The following SRCAP variants were observed in gnomAD, a reference collection of about 807,000 sequenced individuals.
The protein encoded by SRCAP is Snf2 related CREBBP activator protein.
In SRCAP, 46 loss-of-function variants were observed where a neutral mutation model predicts 263.1. The ratio of observed to expected loss-of-function variants is 0.17; its 90% CI spans 0.14 to 0.22. The LOEUF (loss-of-function observed/expected upper bound fraction) is 0.22, where lower values mean the gene tolerates loss of function less well. Among genes scored for constraint, SRCAP ranks in the 10% least tolerant of loss-of-function variants. SRCAP has a pLI of 1.00. For missense variants in SRCAP, 3,695 were observed against 4,181.9 expected, an observed-to-expected ratio of 0.88 and a Z score of 3.21; for synonymous variants, 1,813 against 1,662.1, an observed-to-expected ratio of 1.09 and a Z score of -2.21.
In SRCAP at chr16:30,737,928, G is replaced by C. The variant is rs1400021077; in HGVS notation, c.7888G>C (p.Gly2630Arg). The change falls in exon 34 of 34, where the codon GGG becomes CGG. Residue 2630 changes from glycine (G) to arginine (R), a missense_variant. Gly to Arg is a moderately radical substitution (Grantham distance 125, BLOSUM62 -2). Transcript: ENST00000262518. ...QEQEAPDSAE[G>R]TTLTVLPEGE... Reference sequence around the variant, plus strand: ...GCAGGAGGCACCAGATTCTGCTGAGGGGACCACCCTTACAGTGCTGCCTGA... The same window carrying C: ...GCAGGAGGCACCAGATTCTGCTGAGCGGACCACCCTTACAGTGCTGCCTGA... The C allele has an allele frequency of 6.2e-7, 1 of 1,614,102 alleles. No homozygotes were observed. Among genetic ancestry groups the C allele is most frequent in the Non-Finnish European group, 8.5e-7 (1 of 1,180,050 alleles).
chr16:30,710,959 GCCTCTATC>G, intron 9 of SRCAP, 32 bp from the exon 10 acceptor site: 1 of 1,601,470 alleles, frequency 6.2e-7, no homozygotes, highest in Non-Finnish European at 8.6e-7. Context: ...TGTGCCTCTA[GCCTCTATC>G]CCTATTAATC....
chr16:30,723,371 C>A, intron 24 of SRCAP, 142 bp downstream of exon 24: 1 of 1,416,802 alleles, frequency 7.1e-7, no homozygotes. Flanking sequence ...AACTGGGCTG[C>A]CTGAGCCCTG....
rs369276534 is a variant in SRCAP at position 30,722,945 on chromosome 16, T to C, written c.3893-18T>C. The C allele has an allele frequency of 1.3e-6, 2 of 1,598,590 alleles. No individual in the cohort carries two copies. Among genetic ancestry groups the C allele is most frequent in the African/African-American group, 1.3e-5 (1 of 74,622 alleles). ...TGTTTCTTTTCTACCTTCCTCTCAG[T>C]GTAGCTTCCTCTTGCAGTGCCACCA... On this transcript the variant is annotated intron_variant, in intron 23 of 33. Coordinates refer to ENST00000262518, the MANE Select transcript of SRCAP (RefSeq NM_006662.3).
chr16:30,713,540 A>G lies in SRCAP; in HGVS notation c.2322A>G (p.Thr774=), dbSNP rs770012397. ...GCAGCCAGAGACGCCTGCTCCTGAC[A>G]GGAACTCCCTTGCAGAACAGCCTCA... ...NFNSQRRLLL[T]GTPLQNSLME... Residue 774 remains threonine, a synonymous_variant, in exon 16 of 34, where the codon ACA becomes ACG. Coordinates refer to ENST00000262518, the MANE Select transcript of SRCAP (RefSeq NM_006662.3). 87 of 1,614,054 alleles carry G rather than the reference A, an allele frequency of 5.4e-5. No homozygotes were observed. The highest frequency in any genetic ancestry group is 4.9e-4 in the Middle Eastern group (3 of 6,084).
Position 30,736,966 on chromosome 16 carries a change from G to A in SRCAP, c.7009-83G>A, listed in dbSNP as rs984453049. ...TGGAATTACAGGCGTGAGCCACCGC[G>A]CCTGACCTGGAAGCTGCTAATTTCT... On this transcript the variant is annotated intron_variant, in intron 33 of 33. Transcript: ENST00000262518. The A allele has an allele frequency of 9.6e-6, 14 of 1,451,648 alleles. No individual in the cohort carries two copies. The African/African-American group carries it at 1.3e-4, about 13-fold the overall frequency. The allele number at this position is 1,451,648 out of a possible 1,614,324, so 89.9% of individuals were successfully genotyped here.
In SRCAP at chr16:30,720,154, T is replaced by C; in HGVS notation, c.2818-8T>C. ...TTCTTTATGACTGTGCTTTCTTTCT[T>C]GTGGCAGCGGATAGACATGGGTCGA... On this transcript the variant is annotated splice_polypyrimidine_tract_variant and splice_region_variant and intron_variant, in intron 18 of 33. Transcript: ENST00000262518. 6.3e-7 allele frequency: 1 copy of C among 1,599,310 alleles called. No individual in the cohort carries two copies. Among genetic ancestry groups the C allele is most frequent in the Non-Finnish European group, 8.6e-7 (1 of 1,167,780 alleles).
At position 30,713,693 on chromosome 16, in the gene SRCAP, A is replaced by C; in HGVS notation, c.2475A>C (p.Leu825=). 6.2e-7 allele frequency: 1 copy of C among 1,614,092 alleles called. No individual in the cohort carries two copies. Among genetic ancestry groups the C allele is most frequent in the Non-Finnish European group, 8.5e-7 (1 of 1,180,028 alleles). ...IEGSQEYNEG[L]VKRLHKVLRP... ...GCAGCCAAGAGTATAATGAAGGTCT[A>C]GTCAAACGCCTCCACAAGGTAGGGC... The change falls in exon 16 of 34, where the codon CTA becomes CTC. Residue 825 remains leucine, a synonymous_variant. Coordinates refer to ENST00000262518, the MANE Select transcript of SRCAP (RefSeq NM_006662.3).
chr16:30,700,409 G>A (rs532301327), intron 2 of SRCAP, among the ~76,000 whole-genome samples: 78 of 152,344 alleles, frequency 5.1e-4, no homozygotes, highest in Non-Finnish European at 1.1e-3. Flanking sequence ...GCTGTGAAAA[G>A]CACTTGGTTT....
Position 30,712,139 on chromosome 16 carries a change from C to T in SRCAP, c.1797C>T (p.Tyr599=). 6.2e-7 allele frequency: 1 copy of T among 1,613,474 alleles called. No individual in the cohort carries two copies. The highest frequency in any genetic ancestry group is 1.1e-5 in the South Asian group (1 of 91,084). Residue 599 remains tyrosine (Y), a synonymous_variant, in exon 12 of 34, where the codon TAC becomes TAT. Coordinates refer to ENST00000262518, the MANE Select transcript of SRCAP (RefSeq NM_006662.3). ...AAAESLQPKG[Y]TLATTQVKTP... is the part of the protein sequence containing the mutation. Reference sequence around the variant, plus strand: ...CTGAAAGTCTCCAGCCCAAGGGTTACACGCTGGCCACGACCCAGGTATCCC... The same window carrying T: ...CTGAAAGTCTCCAGCCCAAGGGTTATACGCTGGCCACGACCCAGGTATCCC...
In SRCAP at chr16:30,724,785, A is replaced by G. The variant is rs139549828; in HGVS notation, c.5361A>G (p.Thr1787=). The change falls in exon 25 of 34, where the codon ACA becomes ACG. Residue 1787 remains threonine, a synonymous_variant. Coordinates refer to ENST00000262518, the MANE Select transcript of SRCAP (RefSeq NM_006662.3). ...ASLLAPASVQ[T]LTLSPAPVPT... The stretch of plus-strand genomic sequence containing the variant: ...TCCTGGCCCCAGCTTCAGTGCAGAC[A>G]CTGACCTTGAGCCCTGCCCCAGTTC... The G allele has an allele frequency of 6.2e-7, 1 of 1,613,494 alleles. No individual in the cohort carries two copies. The highest frequency in any genetic ancestry group is 2.2e-5 in the East Asian group (1 of 44,866).
Position 30,739,466 on chromosome 16 carries a change from G to A in SRCAP, c.9426G>A (p.Gly3142=). The A allele has an allele frequency of 6.2e-7, 1 of 1,614,132 alleles. No homozygotes were observed. Among genetic ancestry groups the A allele is most frequent in the Non-Finnish European group, 8.5e-7 (1 of 1,180,026 alleles). The change falls in exon 34 of 34, where the codon GGG becomes GGA. Residue 3142 remains glycine, a synonymous_variant. Coordinates refer to ENST00000262518, the MANE Select transcript of SRCAP (RefSeq NM_006662.3). ...AGAAGTTGCCTCGCAAACGAGCAGG[G>A]GCCCCAGTTGGTGGGAGTCCTGGGC... ...ETEKLPRKRA[G]APVGGSPGLA... is the part of the protein sequence containing the mutation.
At chr16:30,713,077 C>G (rs2052910021) in intron 14 of SRCAP, 131 bp from the exon 15 acceptor site, 1 of 1,106,638 alleles carries the variant, frequency 9.0e-7, no homozygotes, top group Non-Finnish European at 1.3e-6. Flanking sequence ...CTTTCTGTCG[C>G]TCCATTCTTT....
chr16:30,717,199 T>C (rs2052959317), intron 18 of SRCAP, among the ~76,000 whole-genome samples: 2 of 152,178 alleles, frequency 1.3e-5, no homozygotes, highest in South Asian at 4.1e-4. Context: ...CTTATTTCCT[T>C]AGTGATGAGT....
At chr16:30,716,730 T>TA (rs1336799638) in intron 18 of SRCAP, among the ~76,000 whole-genome samples, 1 of 152,218 alleles carries the variant, frequency 6.6e-6, no homozygotes, top group African/African-American at 2.4e-5. Flanking sequence ...TGATTCAGCT[T>TA]ACAATTTTTT....
At chr16:30,708,812 C>A (rs1409703613) in intron 6 of SRCAP, among the ~76,000 whole-genome samples, 1 of 152,150 alleles carries the variant, frequency 6.6e-6, no homozygotes, top group Non-Finnish European at 1.5e-5. Flanking sequence ...CTATGCCTGG[C>A]TTCACCTACC....
intron 7 of SRCAP, 34 bp downstream of exon 7, chr16:30,709,769 C>T (rs781730342): frequency 1.1e-5 from 18 of 1,613,986 alleles, no homozygotes; most frequent in Non-Finnish European, 1.4e-5. Context: ...TACTCTTCCT[C>T]ATGTACCCTT....
In SRCAP at chr16:30,738,992, T is replaced by C; in HGVS notation, c.8952T>C (p.Cys2984=). 1 of 1,614,022 alleles carries C rather than the reference T, an allele frequency of 6.2e-7. No homozygotes were observed. Among genetic ancestry groups the C allele is most frequent in the East Asian group, 2.2e-5 (1 of 44,878 alleles). Residue 2984 remains cysteine, a synonymous_variant, in exon 34 of 34, where the codon TGT becomes TGC. Transcript: ENST00000262518. Reference sequence around the variant, plus strand: ...CCCCACTCCCACCACTGCTAGTTTGTCCCACTGCTACTGTTGCCAACACTG... The same window carrying C: ...CCCCACTCCCACCACTGCTAGTTTGCCCCACTGCTACTGTTGCCAACACTG... ...PLTPLPPLLV[C]PTATVANTVT...
At position 30,723,846 on chromosome 16, in the gene SRCAP, C is replaced by T; in HGVS notation, c.4422C>T (p.Thr1474=). The stretch of plus-strand genomic sequence containing the variant: ...CTGCTTCGGGCCCAGCTCTGTTGAC[C>T]AGTGTGACTCCACCATTGGCACCTG... ...TVSASGPALL[T]SVTPPLAPVV... Residue 1474 remains threonine, a synonymous_variant, in exon 25 of 34, where the codon ACC becomes ACT. Coordinates refer to ENST00000262518, the MANE Select transcript of SRCAP (RefSeq NM_006662.3). 1 of 1,614,102 alleles carries T rather than the reference C, an allele frequency of 6.2e-7. No homozygotes were observed. The highest frequency in any genetic ancestry group is 1.6e-4 in the Middle Eastern group (1 of 6,062).
At chr16:30,723,542 A>C in intron 24 of SRCAP, 42 bp from the exon 25 acceptor site, 1 of 1,576,460 alleles carries the variant, frequency 6.3e-7, no homozygotes, top group Non-Finnish European at 8.6e-7. Flanking sequence ...AGAAAGGCTC[A>C]GGAAAAGAAT....
Sources: gnomAD v4.1 joint callset for allele counts (sites outside exome capture counted in the v4.1 genomes callset) on GRCh38, gnomAD v4.1.1 for gene constraint, MANE v1.5 for transcripts, NCBI Gene and HGNC (gene_info 2026-07-23, HGNC 2026-07-21) for gene names.